The following DNM3 variants were observed in gnomAD, a reference collection of about 807,000 sequenced individuals.
The protein encoded by DNM3 is dynamin 3.
A neutral mutation model predicts 101.6 loss-of-function variants in DNM3; 47 were observed. That is an observed-to-expected ratio of 0.46 (90% CI 0.37 to 0.59). The LOEUF (loss-of-function observed/expected upper bound fraction) is 0.59, where lower values mean the gene tolerates loss of function less well. Ranked by LOEUF, DNM3 falls within the 20% of genes least tolerant of loss-of-function variation. The pLI, the probability that DNM3 is intolerant of heterozygous loss-of-function variation, is 0.00. For missense variants in DNM3, 849 were observed against 1,085.7 expected (o/e 0.78, Z 3.06); for synonymous variants, 385 against 387.9 (o/e 0.99, Z 0.09).
intron 12 of DNM3, among the ~76,000 whole-genome samples, chr1:172,092,412 T>C (rs1196008834): frequency 2.0e-5 from 3 of 152,200 alleles, no homozygotes; most frequent in Non-Finnish European, 4.4e-5. Context: ...ACAAGAAGAA[T>C]AATCGTAACT....
chr1:171,935,536 T>C (rs1160774134), intron 2 of DNM3, among the ~76,000 whole-genome samples: 2 of 152,110 alleles, frequency 1.3e-5, no homozygotes, highest in Non-Finnish European at 2.9e-5. Context: ...GGGTGATGAC[T>C]GCAGTGTCAT....
At chr1:172,398,678 G>A (rs961841607) in intron 20 of DNM3, among the ~76,000 whole-genome samples, 9 of 152,164 alleles carry the variant, frequency 5.9e-5, no homozygotes, top group African/African-American at 2.2e-4. Context: ...TCCATGGTCA[G>A]TACAGCAGTG....
chr1:172,307,484 G>C (rs1021499723), intron 15 of DNM3, among the ~76,000 whole-genome samples: 2 of 152,128 alleles, frequency 1.3e-5, no homozygotes, highest in Non-Finnish European at 2.9e-5. Context: ...CAAGGATCTA[G>C]AACTAGAAAT....
intron 4 of DNM3, among the ~76,000 whole-genome samples, chr1:172,007,073 T>C (rs545418996): frequency 3.3e-4 from 51 of 152,246 alleles, no homozygotes; most frequent in Non-Finnish European, 6.6e-4. Flanking sequence ...AGTGGATCTT[T>C]AGGTCGTTTC....
intron 14 of DNM3, among the ~76,000 whole-genome samples, chr1:172,165,470 C>T (rs1394478115): frequency 6.6e-6 from 1 of 151,984 alleles, no homozygotes; most frequent in African/African-American, 2.4e-5. Context: ...GGTTGCAGTT[C>T]AAATTTGTTA....
At chr1:172,354,622 CA>C (rs1237282629) in intron 17 of DNM3, among the ~76,000 whole-genome samples, 2 of 152,084 alleles carry the variant, frequency 1.3e-5, no homozygotes, top group Non-Finnish European at 2.9e-5. Context: ...ATCTTGACTT[CA>C]AAATATCTAG....
intron 14 of DNM3, among the ~76,000 whole-genome samples, chr1:172,179,630 A>G (rs1290066390): frequency 6.6e-6 from 1 of 151,742 alleles, no homozygotes; most frequent in Non-Finnish European, 1.5e-5. Flanking sequence ...TATTTTAATG[A>G]TGCTATGCCG....
intron 13 of DNM3, among the ~76,000 whole-genome samples, chr1:172,112,507 A>G (rs555738644): frequency 3.9e-5 from 6 of 152,298 alleles, no homozygotes; most frequent in African/African-American, 1.4e-4. Context: ...CTTAAATCTG[A>G]GTGATTCTTT....
chr1:172,015,242 C>T (rs1176912381), intron 4 of DNM3, among the ~76,000 whole-genome samples: 1 of 152,066 alleles, frequency 6.6e-6, no homozygotes, highest in East Asian at 1.9e-4. Flanking sequence ...ATTGTGTTGG[C>T]TATCCTGGGC....
chr1:171,867,059 C>G (rs2034822960), intron 1 of DNM3, among the ~76,000 whole-genome samples: 1 of 152,192 alleles, frequency 6.6e-6, no homozygotes, highest in Admixed American at 6.6e-5. Flanking sequence ...ACGTGTGTAA[C>G]CACACATGGA....
intron 10 of DNM3, among the ~76,000 whole-genome samples, chr1:172,050,754 G>C (rs2050148771): frequency 6.6e-6 from 1 of 152,190 alleles, no homozygotes; most frequent in African/African-American, 2.4e-5. Context: ...ATGTAAGACA[G>C]AAGATGCATA....
intron 1 of DNM3, among the ~76,000 whole-genome samples, chr1:171,862,497 G>A (rs1291212563): frequency 6.6e-6 from 1 of 152,092 alleles, no homozygotes; most frequent in African/African-American, 2.4e-5. Flanking sequence ...AACGCAAAAG[G>A]CCAATAGTAT....
intron 1 of DNM3, among the ~76,000 whole-genome samples, chr1:171,868,964 G>A (rs1267938101): frequency 6.6e-6 from 1 of 152,018 alleles, no homozygotes; most frequent in African/African-American, 2.4e-5. Context: ...TGTACTTTTA[G>A]TAGAGACAGG....
intron 14 of DNM3, among the ~76,000 whole-genome samples, chr1:172,221,673 A>G (rs1487287250): frequency 6.6e-6 from 1 of 152,014 alleles, no homozygotes; most frequent in African/African-American, 2.4e-5. Context: ...TTAGGGCTTC[A>G]CTGTGTGGTC....
chr1:172,113,731 T>C (rs1332190554), intron 13 of DNM3, among the ~76,000 whole-genome samples: 18 of 152,146 alleles, frequency 1.2e-4, no homozygotes, highest in Admixed American at 1.2e-3. Flanking sequence ...CCAAAGCGTT[T>C]ACACAAAATT....
intron 17 of DNM3, among the ~76,000 whole-genome samples, chr1:172,378,803 T>C (rs1200304727): frequency 1.3e-5 from 2 of 152,058 alleles, no homozygotes; most frequent in Non-Finnish European, 2.9e-5. Flanking sequence ...ACTTACTTGC[T>C]TTCCCTAGAA....
chr1:172,009,134 T>TATATTATATATATTATATGATATATA (rs1491401755), intron 4 of DNM3, among the ~76,000 whole-genome samples: 1 of 138,456 alleles, frequency 7.2e-6, no homozygotes, highest in Non-Finnish European at 1.5e-5. Flanking sequence ...TATATATATT[T>TATATTATATATATTATATGATATATA]ATATTATATA....
chr1:172,226,375 G>T (rs1230018836), intron 14 of DNM3, among the ~76,000 whole-genome samples: 1 of 152,170 alleles, frequency 6.6e-6, no homozygotes, highest in Non-Finnish European at 1.5e-5. Flanking sequence ...AGATTACAGA[G>T]TACATACTTA....
intron 2 of DNM3, among the ~76,000 whole-genome samples, chr1:171,974,973 C>A (rs896499588): frequency 1.3e-5 from 2 of 151,844 alleles, no homozygotes; most frequent in African/African-American, 4.8e-5. Flanking sequence ...TCTCAGTTTA[C>A]CGAATAGCTA....
Sources: gnomAD v4.1 joint callset for allele counts (sites outside exome capture counted in the v4.1 genomes callset) on GRCh38, gnomAD v4.1.1 for gene constraint, MANE v1.5 for transcripts, NCBI Gene and HGNC (gene_info 2026-07-23, HGNC 2026-07-21) for gene names.